The following TMEM132B variants were observed in gnomAD, a reference collection of about 807,000 sequenced individuals.
The protein encoded by TMEM132B is transmembrane protein 132B.
Under a neutral mutation model 90.8 loss-of-function variants are expected in TMEM132B, and 18 were observed. The ratio of observed to expected loss-of-function variants is 0.20; its 90% CI spans 0.14 to 0.29. The LOEUF (loss-of-function observed/expected upper bound fraction) is 0.29. Ranked by LOEUF, TMEM132B falls within the 10% of genes least tolerant of loss-of-function variation. The pLI is 1.00. For missense variants in TMEM132B, 1,096 were observed against 1,326.8 expected, an observed-to-expected ratio of 0.83 and a Z score of 2.70; for synonymous variants, 504 against 523.3, an observed-to-expected ratio of 0.96 and a Z score of 0.50.
intron 3 of TMEM132B, among the ~76,000 whole-genome samples, chr12:125,439,307 A>C (rs1411388697): frequency 2.0e-5 from 3 of 152,124 alleles, no homozygotes; most frequent in Non-Finnish European, 4.4e-5. Flanking sequence ...TGAGTGTGGA[A>C]TGTTTTTCCC....
intron 3 of TMEM132B, among the ~76,000 whole-genome samples, chr12:125,426,046 G>A (rs1880311862): frequency 6.6e-6 from 1 of 152,184 alleles, no homozygotes; most frequent in Admixed American, 6.5e-5. Context: ...AGCGGGTGTA[G>A]CATTTTTCAT....
intron 3 of TMEM132B, among the ~76,000 whole-genome samples, chr12:125,440,794 C>G (rs2136427492): frequency 6.6e-6 from 1 of 152,174 alleles, no homozygotes; most frequent in Admixed American, 6.5e-5. Flanking sequence ...ATCAGGAGAT[C>G]TGACTAAAAA....
chr12:125,598,601 C>G (rs1316687801), intron 5 of TMEM132B, among the ~76,000 whole-genome samples: 2 of 152,110 alleles, frequency 1.3e-5, no homozygotes, highest in Admixed American at 6.5e-5. Context: ...AGAAACAAAT[C>G]AATATAGAAA....
chr12:125,395,583 T>G (rs996662137), intron 2 of TMEM132B, among the ~76,000 whole-genome samples: 1 of 152,202 alleles, frequency 6.6e-6, no homozygotes, highest in Non-Finnish European at 1.5e-5. Context: ...GGTAAAGTTA[T>G]GTGTGTATCT....
intron 3 of TMEM132B, among the ~76,000 whole-genome samples, chr12:125,508,083 G>A (rs566549648): frequency 7.2e-5 from 11 of 152,300 alleles, no homozygotes; most frequent in Non-Finnish European, 1.6e-4. Context: ...AGTTAAGGAC[G>A]ACCAAGATTT....
At chr12:125,402,818 C>A (rs1219938077) in intron 2 of TMEM132B, among the ~76,000 whole-genome samples, 1 of 152,086 alleles carries the variant, frequency 6.6e-6, no homozygotes, top group East Asian at 1.9e-4. Flanking sequence ...AGGATTCATA[C>A]AGCAAATGTT....
chr12:125,225,785 A>G (rs925664170), intron 1 of TMEM132B, among the ~76,000 whole-genome samples: 8 of 152,186 alleles, frequency 5.3e-5, no homozygotes, highest in Admixed American at 3.9e-4. Flanking sequence ...TATATGCGCC[A>G]GGTCTGGAAG....
intron 1 of TMEM132B, among the ~76,000 whole-genome samples, chr12:125,335,455 C>G (rs535948078): frequency 6.6e-6 from 1 of 152,300 alleles, no homozygotes; most frequent in African/African-American, 2.4e-5. Flanking sequence ...GAACAGGCAT[C>G]CCCCTGGCCA....
intron 2 of TMEM132B, among the ~76,000 whole-genome samples, chr12:125,351,432 GATCTTTA>G (rs1455959116): frequency 6.6e-6 from 1 of 152,160 alleles, no homozygotes; most frequent in Non-Finnish European, 1.5e-5. Context: ...TTTTGAGCTA[GATCTTTA>G]AGGATGAGTG....
intron 5 of TMEM132B, among the ~76,000 whole-genome samples, chr12:125,635,186 G>T (rs1886452673): frequency 1.3e-5 from 2 of 152,152 alleles, no homozygotes; most frequent in Admixed American, 1.3e-4. Flanking sequence ...GGGTACATGT[G>T]CAGAATGTGC....
chr12:125,325,939 G>A (rs1419833986), intron 1 of TMEM132B, among the ~76,000 whole-genome samples: 3 of 152,146 alleles, frequency 2.0e-5, no homozygotes, highest in Admixed American at 6.5e-5. Context: ...GACTGTGTGA[G>A]GACCGAGTTT....
At chr12:125,612,135 C>T (rs1389739903) in intron 5 of TMEM132B, among the ~76,000 whole-genome samples, 4 of 151,892 alleles carry the variant, frequency 2.6e-5, no homozygotes, top group African/African-American at 9.7e-5. Context: ...AATATATTGA[C>T]CACTTTATCA....
At chr12:125,502,341 GTTTA>G (rs1361403126) in intron 3 of TMEM132B, among the ~76,000 whole-genome samples, 1 of 152,172 alleles carries the variant, frequency 6.6e-6, no homozygotes, top group African/African-American at 2.4e-5. Context: ...AACTACAAAG[GTTTA>G]TTTCTCACTC....
chr12:125,646,412 G>C (rs1292643872), intron 6 of TMEM132B, among the ~76,000 whole-genome samples: 1 of 152,218 alleles, frequency 6.6e-6, no homozygotes, highest in Non-Finnish European at 1.5e-5. Flanking sequence ...TTCATTGTCA[G>C]AAAAGTGTGC....
intron 5 of TMEM132B, among the ~76,000 whole-genome samples, chr12:125,618,600 C>T (rs114561854): frequency 7.4e-4 from 113 of 152,284 alleles, no homozygotes; most frequent in African/African-American, 2.7e-3. Context: ...TTTCTTAAAT[C>T]GATGCCTCCT....
chr12:125,425,335 G>A (rs67919725), intron 3 of TMEM132B, among the ~76,000 whole-genome samples: 19,447 of 152,192 alleles, frequency 0.13, 1,304 homozygotes, highest in African/African-American at 0.15. Flanking sequence ...TAGGTTTACA[G>A]AATTGAGTGG....
At chr12:125,330,048 G>A (rs1035612020) in intron 1 of TMEM132B, among the ~76,000 whole-genome samples, 7 of 152,352 alleles carry the variant, frequency 4.6e-5, no homozygotes, top group African/African-American at 1.4e-4. Flanking sequence ...GCTGTGGTCC[G>A]ACGATCTGTG....
chr12:125,305,891 C>T (rs939529564), intron 1 of TMEM132B, among the ~76,000 whole-genome samples: 2 of 152,318 alleles, frequency 1.3e-5, no homozygotes, highest in African/African-American at 4.8e-5. Context: ...AGTTAGAGAT[C>T]ATGCTAGGTT....
At chr12:125,409,613 TG>T (rs1879638686) in intron 2 of TMEM132B, among the ~76,000 whole-genome samples, 1 of 55,196 alleles carries the variant, frequency 1.8e-5, no homozygotes, top group African/African-American at 8.6e-5. Flanking sequence ...TGGAGTGGAG[TG>T]GAGTGGAGGA....
Sources: allele counts gnomAD v4.1 joint callset (sites outside exome capture counted in the v4.1 genomes callset), GRCh38; gene constraint gnomAD v4.1.1; transcripts MANE v1.5; gene names NCBI Gene and HGNC (gene_info 2026-07-23, HGNC 2026-07-21).